ADAMTSL1: variants seen among roughly 807,000 people sequenced by gnomAD.
ADAMTSL1 encodes ADAMTS-like protein 1.
In ADAMTSL1, 126 loss-of-function variants were observed where a neutral mutation model predicts 201.8. The ratio of observed to expected loss-of-function variants is 0.62; its 90% confidence interval spans 0.54 to 0.72. ADAMTSL1 has a LOEUF of 0.72. ADAMTSL1 is among the 30% of genes least tolerant of loss of function. The probability of loss-of-function intolerance (pLI) is 0.00; values close to 1 mark genes in which losing one functional copy is unlikely to be tolerated. For missense variants in ADAMTSL1, 2,679 were observed against 2,277.8 expected (o/e 1.18, Z -3.59); for synonymous variants, 1,121 against 903.4 (o/e 1.24, Z -4.32).
intron 2 of ADAMTSL1, among the ~76,000 whole-genome samples, chr9:18,187,556 T>A (rs1019068425): frequency 6.6e-6 from 1 of 152,138 alleles, no homozygotes; most frequent in Admixed American, 6.5e-5. Flanking sequence ...TAAATATGTG[T>A]ATACATTTAT....
intron 1 of ADAMTSL1, among the ~76,000 whole-genome samples, chr9:18,101,427 G>A (rs754372029): frequency 1.3e-5 from 2 of 151,868 alleles, no homozygotes; most frequent in Non-Finnish European, 2.9e-5. Flanking sequence ...GAACCCAGGA[G>A]GCGGAGGTTG....
intron 1 of ADAMTSL1, among the ~76,000 whole-genome samples, chr9:18,133,111 C>G (rs1379732123): frequency 6.6e-6 from 1 of 152,036 alleles, no homozygotes; most frequent in Non-Finnish European, 1.5e-5. Flanking sequence ...AGACTCTCCT[C>G]CGGAATTAAG....
chr9:18,429,936 C>A (rs1016060707), intron 2 of ADAMTSL1, among the ~76,000 whole-genome samples: 2 of 151,738 alleles, frequency 1.3e-5, no homozygotes, highest in African/African-American at 4.8e-5. Flanking sequence ...ATTACAGGCA[C>A]GTGCCACGAC....
At chr9:18,740,478 C>CTTTTTTTTTTTTTTTTT (rs11449360) in intron 15 of ADAMTSL1, among the ~76,000 whole-genome samples, 1 of 105,678 alleles carries the variant, frequency 9.5e-6, no homozygotes, top group Non-Finnish European at 1.9e-5. Context: ...TTTCTTTTAT[C>CTTTTTTTTTTTTTTTTT]TTTTTTTTTT....
chr9:18,657,013 G>A (rs34430407), intron 7 of ADAMTSL1, among the ~76,000 whole-genome samples: 19,460 of 151,768 alleles, frequency 0.13, 1,415 homozygotes, highest in Non-Finnish European at 0.16. Flanking sequence ...GTAAGTAATC[G>A]TTTTTATGAC....
chr9:18,306,141 C>T (rs927324202), intron 2 of ADAMTSL1, among the ~76,000 whole-genome samples: 4 of 152,092 alleles, frequency 2.6e-5, no homozygotes, highest in African/African-American at 7.2e-5. Flanking sequence ...AAAGGAATAG[C>T]GTCAACATCA....
At chr9:18,566,161 G>GA (rs1821877975) in intron 3 of ADAMTSL1, among the ~76,000 whole-genome samples, 1 of 151,968 alleles carries the variant, frequency 6.6e-6, no homozygotes, top group South Asian at 2.1e-4. Flanking sequence ...TTGAAAGAAA[G>GA]AAAAAAATTA....
At chr9:18,159,619 T>C (rs925681878) in intron 1 of ADAMTSL1, among the ~76,000 whole-genome samples, 3 of 152,054 alleles carry the variant, frequency 2.0e-5, no homozygotes, top group South Asian at 2.1e-4. Context: ...GTATTTTAAC[T>C]TTCCAAATTT....
rs966038299 is a variant in ADAMTSL1, at chr9:18,525,572, G to T, written c.192-7675G>T. Among the ~76,000 whole-genome samples, 4 of 152,122 alleles carry T rather than the reference G, an allele frequency of 2.6e-5. No individual in the cohort carries two copies. The East Asian group carries it at 7.7e-4, about 29-fold the overall frequency. ...TTAGATCTTTCTTGCTTTCTCTTGT[G>T]GGCATTTAGTGCTGCAAATTTTTCC... On this transcript the variant is annotated intron_variant, in intron 2 of 28. Coordinates refer to ENST00000380548, the MANE Select transcript of ADAMTSL1 (RefSeq NM_001040272.6).
chr9:18,440,114 G>A (rs1819932351), intron 2 of ADAMTSL1, among the ~76,000 whole-genome samples: 1 of 152,102 alleles, frequency 6.6e-6, no homozygotes, highest in Admixed American at 6.5e-5. Context: ...TATGTTTTTG[G>A]TAATATTCTC....
chr9:18,240,975 C>G, intron 2 of ADAMTSL1, among the ~76,000 whole-genome samples: 1 of 152,318 alleles, frequency 6.6e-6, no homozygotes, highest in East Asian at 1.9e-4. Context: ...GGGCCTTGCT[C>G]TGGATTAGGC....
chr9:18,713,352 C>A (rs993517654), intron 14 of ADAMTSL1, among the ~76,000 whole-genome samples: 1 of 152,110 alleles, frequency 6.6e-6, no homozygotes. Flanking sequence ...ATTCAGGAAA[C>A]CCATCTCACG....
Position 18,680,335 on chromosome 9 carries a change from C to T in ADAMTSL1, c.1160C>T (p.Ala387Val), listed in dbSNP as rs759088551. 61 of 1,613,970 alleles carry T rather than the reference C, an allele frequency of 3.8e-5. No homozygotes were observed. Among genetic ancestry groups the T allele is most frequent in the East Asian group, 1.3e-4 (6 of 44,882 alleles). The change falls in exon 11 of 29, where the codon GCG (alanine) becomes GTG (valine). Residue 387 changes from alanine (A) to valine (V), a missense_variant. Ala to Val is a moderately conservative substitution (Grantham distance 64, BLOSUM62 0). Transcript: ENST00000380548. ...AGGTGGGAGGCCACCCCATGGACCG[C>T]GTGCTCCTCCTCGTGTGGGGGGGGC... is the stretch of plus-strand genomic sequence containing the variant. The part of the protein sequence containing the change: ...LPRWEATPWT[A>V]CSSSCGGGIQ...
At chr9:18,905,495 C>T (rs1053091648) in intron 26 of ADAMTSL1, 1 of 399,264 alleles carries the variant, frequency 2.5e-6, no homozygotes, top group Non-Finnish European at 4.6e-6. Flanking sequence ...GCCAAAATAT[C>T]TTTCATATGA....
At chr9:18,286,562 G>GAAACACATTTCTTTTTAGTCTC (rs1563858992) in intron 2 of ADAMTSL1, among the ~76,000 whole-genome samples, 7 of 126,604 alleles carry the variant, frequency 5.5e-5, no homozygotes, top group South Asian at 3.1e-4. Flanking sequence ...TGTTTCTATA[G>GAAACACATTTCTTTTTAGTCTC]CAGTTTATGG....
chr9:18,394,658 T>C (rs73643263), intron 2 of ADAMTSL1, among the ~76,000 whole-genome samples: 1 of 152,166 alleles, frequency 6.6e-6, no homozygotes, highest in African/African-American at 2.4e-5. Flanking sequence ...AAGTTGATTA[T>C]AAATTCAACA....
At chr9:18,543,358 A>C (rs1410973465) in intron 3 of ADAMTSL1, among the ~76,000 whole-genome samples, 1 of 151,866 alleles carries the variant, frequency 6.6e-6, no homozygotes, top group Non-Finnish European at 1.5e-5. Flanking sequence ...TTTTTTTTTA[A>C]TGCTAAAATT....
intron 1 of ADAMTSL1, among the ~76,000 whole-genome samples, chr9:18,099,355 A>ATATATATT (rs1239180390): frequency 8.8e-5 from 4 of 45,558 alleles, no homozygotes; most frequent in East Asian, 6.0e-4. Context: ...ATATATATAT[A>ATATATATT]TTTTTTTTTT....
chr9:18,130,376 A>G (rs545963108), intron 1 of ADAMTSL1, among the ~76,000 whole-genome samples: 3 of 152,168 alleles, frequency 2.0e-5, no homozygotes, highest in South Asian at 4.1e-4. Flanking sequence ...AATAAGCACT[A>G]TGACTACATT....
Sources: gnomAD v4.1 joint callset for allele counts (sites outside exome capture counted in the v4.1 genomes callset) on GRCh38, gnomAD v4.1.1 for gene constraint, MANE v1.5 for transcripts, NCBI Gene and HGNC (gene_info 2026-07-23, HGNC 2026-07-21) for gene names.